ARAP2: variants seen among roughly 807,000 people sequenced by gnomAD.
ARAP2 encodes arf-GAP with Rho-GAP domain, ANK repeat and PH domain-containing protein 2.
In ARAP2, 148 loss-of-function variants were observed where a neutral mutation model predicts 194.5. The ratio of observed to expected loss-of-function variants is 0.76; its 90% confidence interval spans 0.67 to 0.87. The LOEUF is 0.87. Ranked by LOEUF, ARAP2 falls within the 40% of genes least tolerant of loss-of-function variation. The pLI, the probability that ARAP2 is intolerant of heterozygous loss-of-function variation, is 0.00. For missense variants in ARAP2, 2,128 were observed against 1,989.7 expected, an observed-to-expected ratio of 1.07 and a Z score of -1.32; for synonymous variants, 695 against 683.5, an observed-to-expected ratio of 1.02 and a Z score of -0.26.
chr4:36,102,575 A>G (rs1245324744), intron 27 of ARAP2, among the ~76,000 whole-genome samples: 1 of 152,068 alleles, frequency 6.6e-6, no homozygotes, highest in East Asian at 1.9e-4. Flanking sequence ...TATTTCCTTG[A>G]ATAAGACACA....
Position 36,068,004 on chromosome 4 carries a change from T to C in ARAP2, c.5018A>G (p.His1673Arg), listed in dbSNP as rs1230721728. The change falls in exon 33 of 33, where the codon CAT becomes CGT. Residue 1673 changes from histidine (H) to arginine (R), a missense_variant. By Grantham distance (29) the His-to-Arg change is conservative. Coordinates refer to ENST00000303965, the MANE Select transcript of ARAP2 (RefSeq NM_015230.4). ...RNSKATLDSD[H>R]KLPSRVIEEL... is the part of the protein sequence containing the mutation. ...TTCAATTACCCTTGATGGTAACTTA[T>C]GATCAGAGTCCAAAGTAGCTTTGCT... 6.2e-7 allele frequency: 1 copy of C among 1,614,076 alleles called. No individual in the cohort carries two copies. Among genetic ancestry groups the C allele is most frequent in the South Asian group, 1.1e-5 (1 of 91,092 alleles).
intron 15 of ARAP2, among the ~76,000 whole-genome samples, chr4:36,157,797 TTATATA>T (rs139585079): frequency 6.6e-6 from 1 of 150,930 alleles, no homozygotes; most frequent in Non-Finnish European, 1.5e-5. Flanking sequence ...TTAGGATATA[TTATATA>T]TATATATATT....
At chr4:36,059,755 A>G (rs1198120626) in intron 1 of ARAP2, among the ~76,000 whole-genome samples, 4 of 152,186 alleles carry the variant, frequency 2.6e-5, no homozygotes, top group African/African-American at 7.2e-5. Flanking sequence ...GACCAATACT[A>G]GTAGAATTAT....
intron 1 of ARAP2, among the ~76,000 whole-genome samples, chr4:36,241,339 GTTTCTTTTTC>G (rs1204297695): frequency 6.6e-6 from 1 of 152,112 alleles, no homozygotes; most frequent in African/African-American, 2.4e-5. Flanking sequence ...AATTGTCAAA[GTTTCTTTTTC>G]TTATAAAAAG....
chr4:36,131,828 A>G (rs183526893), intron 20 of ARAP2, among the ~76,000 whole-genome samples: 1 of 151,906 alleles, frequency 6.6e-6, no homozygotes, highest in East Asian at 1.9e-4. Flanking sequence ...ACACTGAGTG[A>G]CTGTAACAAA....
At chr4:36,165,210 C>A in intron 10 of ARAP2, 97 bp from the exon 11 acceptor site, 3 of 1,182,392 alleles carry the variant, frequency 2.5e-6, no homozygotes, top group South Asian at 1.4e-5. Flanking sequence ...ACAAATTAAA[C>A]AACAGCTGAA....
intron 9 of ARAP2, among the ~76,000 whole-genome samples, chr4:36,176,298 T>C (rs1297815704): frequency 6.6e-6 from 1 of 152,228 alleles, no homozygotes; most frequent in African/African-American, 2.4e-5. Context: ...ATGTCTACTG[T>C]ACCTGGTACT....
rs1194287683 is a variant in ARAP2 at position 36,116,928 on chromosome 4, A to G, written c.4038+133T>C. ...GAATTCCTGGGGGATATCACTATAA[A>G]AAGTCTATGTTGTCAGTCGTTTGAA... On this transcript the variant is annotated intron_variant, in intron 25 of 32. Coordinates refer to ENST00000303965, the MANE Select transcript of ARAP2 (RefSeq NM_015230.4). 1.1e-5 allele frequency: 5 copies of G among 461,638 alleles called. No individual in the cohort carries two copies. In the Admixed American group the frequency reaches 2.2e-4, roughly 20 times the overall value. 28.6% of individuals were successfully genotyped at this position (461,638 alleles called of 1,614,324 possible). A position where few individuals can be genotyped will look rare whatever the true frequency, so the allele number is the denominator to read the frequency against.
intron 27 of ARAP2, among the ~76,000 whole-genome samples, chr4:36,095,952 T>C (rs148154931): frequency 6.6e-6 from 1 of 152,132 alleles, no homozygotes; most frequent in Non-Finnish European, 1.5e-5. Context: ...ACACACAAGA[T>C]GTATGGCAGA....
chr4:36,077,528 C>T (rs1377599001), intron 31 of ARAP2, among the ~76,000 whole-genome samples: 4 of 152,022 alleles, frequency 2.6e-5, no homozygotes, highest in Admixed American at 6.6e-5. Flanking sequence ...CCACAGACAA[C>T]GTAGTCACTT....
chr4:36,126,947 C>A (rs1197813947), intron 21 of ARAP2, among the ~76,000 whole-genome samples: 1 of 152,008 alleles, frequency 6.6e-6, no homozygotes, highest in Non-Finnish European at 1.5e-5. Context: ...ATGTGATCCT[C>A]CCACCTCAGT....
chr4:36,039,340 T>A (rs920369361), intron 5 of ARAP2, among the ~76,000 whole-genome samples: 12 of 152,218 alleles, frequency 7.9e-5, no homozygotes, highest in Non-Finnish European at 1.5e-4. Flanking sequence ...GCATAGCCGT[T>A]ACTAGTCATC....
At chr4:36,028,882 T>A (rs963879664) in intron 5 of ARAP2, among the ~76,000 whole-genome samples, 2 of 152,048 alleles carry the variant, frequency 1.3e-5, no homozygotes, top group Non-Finnish European at 2.9e-5. Flanking sequence ...AGATTTTTCC[T>A]CACAGATGAA....
chr4:36,030,843 A>G (rs1388211343), intron 5 of ARAP2, among the ~76,000 whole-genome samples: 1 of 146,694 alleles, frequency 6.8e-6, no homozygotes, highest in Non-Finnish European at 1.5e-5. Context: ...TAACTATTTA[A>G]ATTTCTGGCT....
intron 8 of ARAP2, among the ~76,000 whole-genome samples, chr4:36,014,336 A>AGGAAGGAAAGAAAGAGAGAG (rs1715341675): frequency 1.2e-5 from 1 of 85,796 alleles, no homozygotes; most frequent in African/African-American, 3.7e-5. Context: ...GAAAGAAAGA[A>AGGAAGGAAAGAAAGAGAGAG]AGAAAGAAAG....
At chr4:36,059,433 A>G (rs2109271236) in intron 1 of ARAP2, among the ~76,000 whole-genome samples, 1 of 152,280 alleles carries the variant, frequency 6.6e-6, no homozygotes, top group East Asian at 1.9e-4. Flanking sequence ...AGCTTTGCCA[A>G]TCATTAGCTG....
At chr4:36,215,125 T>C (rs1347045446) in intron 2 of ARAP2, among the ~76,000 whole-genome samples, 1 of 152,134 alleles carries the variant, frequency 6.6e-6, no homozygotes. Flanking sequence ...ATCTAAAAAA[T>C]GGAAAAATAA....
chr4:36,242,605 T>C (rs1753732117), intron 1 of ARAP2, among the ~76,000 whole-genome samples: 1 of 152,204 alleles, frequency 6.6e-6, no homozygotes, highest in African/African-American at 2.4e-5. Context: ...TCTATACTTC[T>C]CCACAGTATC....
chr4:36,166,264 C>G (rs189349429), intron 10 of ARAP2, among the ~76,000 whole-genome samples: 138 of 152,170 alleles, frequency 9.1e-4, no homozygotes, highest in Non-Finnish European at 1.6e-3. Context: ...TTATTTATAA[C>G]AAACGAATTA....
Sources: allele counts gnomAD v4.1 joint callset (sites outside exome capture counted in the v4.1 genomes callset), GRCh38; gene constraint gnomAD v4.1.1; transcripts MANE v1.5; gene names NCBI Gene and HGNC (gene_info 2026-07-23, HGNC 2026-07-21).